PARN: variants seen among roughly 807,000 people sequenced by gnomAD.
PARN encodes poly(A)-specific ribonuclease PARN.
In PARN, 71 loss-of-function variants were observed where a neutral mutation model predicts 102.8. The ratio of observed to expected loss-of-function variants is 0.69; its 90% confidence interval spans 0.57 to 0.84. The LOEUF is 0.84. Ranked by LOEUF, PARN falls within the 40% of genes least tolerant of loss-of-function variation. The pLI, the probability that PARN is intolerant of heterozygous loss-of-function variation, is 0.00. For missense variants in PARN, 782 were observed against 760.9 expected (o/e 1.03, Z -0.33); for synonymous variants, 261 against 252.9 (o/e 1.03, Z -0.30).
intron 21 of PARN, among the ~76,000 whole-genome samples, chr16:14,501,215 G>C (rs1381290705): frequency 6.7e-6 from 1 of 149,734 alleles, no homozygotes; most frequent in African/African-American, 2.5e-5. Context: ...ATTTGAGCCT[G>C]CCCAGGAGTT....
chr16:14,480,513 G>A (rs1963319174), intron 22 of PARN, among the ~76,000 whole-genome samples: 1 of 152,052 alleles, frequency 6.6e-6, no homozygotes, highest in African/African-American at 2.4e-5. Flanking sequence ...ATTTTAAAAG[G>A]GGCAAGAGAC....
intron 23 of PARN, among the ~76,000 whole-genome samples, chr16:14,446,189 G>A (rs1961190550): frequency 6.6e-6 from 1 of 152,170 alleles, no homozygotes; most frequent in African/African-American, 2.4e-5. Context: ...TGCATGAAGG[G>A]CTGAGTGAGG....
intron 12 of PARN, among the ~76,000 whole-genome samples, chr16:14,598,719 C>T (rs974959632): frequency 1.3e-5 from 2 of 152,212 alleles, no homozygotes; most frequent in Non-Finnish European, 2.9e-5. Context: ...TCTTCTTTTA[C>T]AAGGCTCTGT....
At chr16:14,629,180 A>C (rs1972868087) in intron 2 of PARN, among the ~76,000 whole-genome samples, 1 of 152,228 alleles carries the variant, frequency 6.6e-6, no homozygotes, top group African/African-American at 2.4e-5. Flanking sequence ...AAGATGAAGA[A>C]GTCCTAGAGA....
chr16:14,564,341 T>C (rs1436897515), intron 18 of PARN, among the ~76,000 whole-genome samples: 1 of 152,202 alleles, frequency 6.6e-6, no homozygotes, highest in Non-Finnish European at 1.5e-5. Context: ...CGTGGAGCCC[T>C]GATACAAAAA....
chr16:14,558,627 A>G (rs983490301), intron 18 of PARN: 5 of 152,262 alleles, frequency 3.3e-5, no homozygotes, highest in Non-Finnish European at 5.9e-5. Flanking sequence ...TCAAGATTTG[A>G]TAATACATGG....
intron 21 of PARN, among the ~76,000 whole-genome samples, chr16:14,520,840 G>A (rs1461896360): frequency 6.6e-6 from 1 of 152,212 alleles, no homozygotes; most frequent in Non-Finnish European, 1.5e-5. Context: ...CGATTAAGTG[G>A]CTGAAGGGGT....
chr16:14,472,068 G>C (rs138727626), intron 22 of PARN, among the ~76,000 whole-genome samples: 360 of 152,300 alleles, frequency 2.4e-3, no homozygotes, highest in African/African-American at 7.4e-3. Flanking sequence ...TGGTCCAAGA[G>C]ATGTCAAAGG....
At chr16:14,598,668 C>A (rs760944442) in intron 12 of PARN, among the ~76,000 whole-genome samples, 2 of 152,318 alleles carry the variant, frequency 1.3e-5, no homozygotes, top group South Asian at 2.1e-4. Context: ...ACTTTAATCG[C>A]CCCACTTACT....
chr16:14,625,466 T>C (rs910023860), intron 5 of PARN, among the ~76,000 whole-genome samples: 4 of 152,126 alleles, frequency 2.6e-5, no homozygotes, highest in Admixed American at 6.5e-5. Flanking sequence ...CATCACACTC[T>C]AGCCTGGACA....
At chr16:14,480,193 C>T (rs1466407107) in intron 22 of PARN, among the ~76,000 whole-genome samples, 7 of 151,754 alleles carry the variant, frequency 4.6e-5, no homozygotes, top group Admixed American at 1.3e-4. Flanking sequence ...ATTACGCGGG[C>T]GTGGTGGCGC....
In PARN at chr16:14,617,628, G is replaced by C. The variant is rs1972010104; in HGVS notation, c.350C>G (p.Ala117Gly). 6.3e-7 allele frequency: 1 copy of C among 1,596,718 alleles called. No homozygotes were observed. Among genetic ancestry groups the C allele is most frequent in the African/African-American group, 1.3e-5 (1 of 74,568 alleles). The change falls in exon 6 of 24, where the codon GCA becomes GGA. Residue 117 changes from alanine to glycine, a missense_variant. Transcript: ENST00000437198. Reference protein sequence around the residue: ...VCQSSSIDFLASQGFDFNKVF... With the variant: ...VCQSSSIDFLGSQGFDFNKVF... ...TTTATTAAAATCAAATCCCTGGCTT[G>C]CTAGAAAGTCAATGCTGGAGCTCTG...
At chr16:14,627,833 T>C (rs1422829370) in intron 3 of PARN, among the ~76,000 whole-genome samples, 2 of 151,764 alleles carry the variant, frequency 1.3e-5, no homozygotes, top group Non-Finnish European at 2.9e-5. Context: ...CAAAAGAATA[T>C]GTAAAAATTA....
At chr16:14,609,974 G>A (rs1456547721) in intron 7 of PARN, among the ~76,000 whole-genome samples, 1 of 152,218 alleles carries the variant, frequency 6.6e-6, no homozygotes, top group Non-Finnish European at 1.5e-5. Flanking sequence ...CGCTCTGGGA[G>A]GCTGAGGCAG....
At chr16:14,613,040 T>C (rs1971615903) in intron 6 of PARN, among the ~76,000 whole-genome samples, 1 of 146,404 alleles carries the variant, frequency 6.8e-6, no homozygotes. Flanking sequence ...CGGGGCGCGG[T>C]GGCTCACGCC....
rs912451449 is a variant in PARN at position 14,517,190 on chromosome 16, G to A, written c.1481-34363C>T. 3.3e-5 allele frequency among the ~76,000 whole-genome samples: 5 copies of A among 152,200 alleles called. No homozygotes were observed. The East Asian group carries it at 9.6e-4, about 29-fold the overall frequency. On this transcript the variant is annotated intron_variant, in intron 21 of 23. Coordinates refer to ENST00000437198, the MANE Select transcript of PARN (RefSeq NM_002582.4). The stretch of plus-strand genomic sequence containing the variant: ...ACTTTTCTGCTCCTGCCATCAAGAG[G>A]TGCGGTGTATTTACTGCTCCCCTTG...
intron 21 of PARN, among the ~76,000 whole-genome samples, chr16:14,541,879 A>G (rs58999379): frequency 0.043 from 6,529 of 152,294 alleles, 153 homozygotes; most frequent in African/African-American, 0.053. Context: ...CAGGAAACCA[A>G]TGAAATTACT....
chr16:14,578,585 G>A (rs912009964), intron 18 of PARN: 2 of 151,990 alleles, frequency 1.3e-5, no homozygotes, highest in African/African-American at 4.8e-5. Context: ...GAACCCGAGA[G>A]GCAGAGGTTG....
chr16:14,520,683 G>A (rs1965691502), intron 21 of PARN, among the ~76,000 whole-genome samples: 1 of 150,552 alleles, frequency 6.6e-6, no homozygotes, highest in African/African-American at 2.4e-5. Context: ...TGGGTGATGG[G>A]AGTGAAACCC....
Sources: allele counts gnomAD v4.1 joint callset (sites outside exome capture counted in the v4.1 genomes callset), GRCh38; gene constraint gnomAD v4.1.1; transcripts MANE v1.5; gene names NCBI Gene and HGNC (gene_info 2026-07-23, HGNC 2026-07-21).